ITGA5: variants seen among roughly 807,000 people sequenced by gnomAD.
ITGA5 encodes integrin subunit alpha 5, also known as integrin alpha-5.
A neutral mutation model predicts 146.3 loss-of-function variants in ITGA5; 55 were observed. The ratio of observed to expected loss-of-function variants is 0.38; its 90% CI spans 0.30 to 0.47. ITGA5 has a LOEUF of 0.47. Ranked by LOEUF, ITGA5 falls within the 20% of genes least tolerant of loss-of-function variation. The pLI, the probability that ITGA5 is intolerant of heterozygous loss-of-function variation, is 0.99. For missense variants in ITGA5, 1,131 were observed against 1,329.0 expected (o/e 0.85, Z 2.32); for synonymous variants, 500 against 531.8 (o/e 0.94, Z 0.82).
chr12:54,418,826 G>A (rs1352975980), intron 1 of ITGA5, among the ~76,000 whole-genome samples, 155 bp downstream of exon 1: 3 of 151,768 alleles, frequency 2.0e-5, no homozygotes, highest in Non-Finnish European at 4.4e-5. Flanking sequence ...CTCCAGCGCG[G>A]GCCCCCAACT....
At position 54,399,762 on chromosome 12, in the gene ITGA5, G is replaced by A. The variant is rs767076112; in HGVS notation, c.2728-4C>T. 6.2e-7 allele frequency: 1 copy of A among 1,613,956 alleles called. No individual in the cohort carries two copies. The highest frequency in any genetic ancestry group is 8.5e-7 in the Non-Finnish European group (1 of 1,179,816). Reference sequence around the variant, plus strand: ...AACACTCAGCCTCCGGGCATTTCTAGGAAGAAAGAAGCTTGAACCTGGTGT... The same window carrying A: ...AACACTCAGCCTCCGGGCATTTCTAAGAAGAAAGAAGCTTGAACCTGGTGT... On this transcript the variant is annotated splice_region_variant and splice_polypyrimidine_tract_variant and intron_variant, in intron 26 of 29. Coordinates refer to ENST00000293379, the MANE Select transcript of ITGA5 (RefSeq NM_002205.5).
In ITGA5 at chr12:54,401,277, T is replaced by G; in HGVS notation, c.2493+96A>C. The G allele has an allele frequency of 1.0e-6, 1 of 961,466 alleles. No homozygotes were observed. The highest frequency in any genetic ancestry group is 1.7e-6 in the Non-Finnish European group (1 of 594,378). 59.6% of individuals were successfully genotyped at this position (961,466 alleles called of 1,614,324 possible). On this transcript the variant is annotated intron_variant, in intron 24 of 29. Coordinates refer to ENST00000293379, the MANE Select transcript of ITGA5 (RefSeq NM_002205.5). This position sits in a 1 kb window ranked among gnomAD's most constrained non-coding sequence, Gnocchi z 5.0. ...TATCACTTACTCCTCCCTCCTCTCT[T>G]TCTCTCAGTCCCTCACATGGGTTCC...
rs966997306 is a variant in ITGA5, at chr12:54,409,983, A to G, written c.350-386T>C. 6.6e-6 allele frequency among the ~76,000 whole-genome samples: 1 copy of G among 151,756 alleles called. No individual in the cohort carries two copies. Among genetic ancestry groups the G allele is most frequent in the Non-Finnish European group, 1.5e-5 (1 of 67,896 alleles). On this transcript the variant is annotated intron_variant, in intron 2 of 29. Transcript: ENST00000293379. The surrounding 1 kb of genome is among the most constrained non-coding windows in gnomAD (Gnocchi z 4.7). ...GGGATTCTCCTGCCTCAGCCTCCTC[A>G]GTAGCTGGGATTACAGGTGCGCGTC...
Position 54,401,558 on chromosome 12 carries a change from A to C in ITGA5, c.2387+27T>G. 1 of 1,612,480 alleles carries C rather than the reference A, an allele frequency of 6.2e-7. No homozygotes were observed. Among genetic ancestry groups the C allele is most frequent in the South Asian group, 1.1e-5 (1 of 91,056 alleles). On this transcript the variant is annotated intron_variant, in intron 23 of 29. Coordinates refer to ENST00000293379, the MANE Select transcript of ITGA5 (RefSeq NM_002205.5). The surrounding 1 kb of genome is among the most constrained non-coding windows in gnomAD (Gnocchi z 5.0). ...CCTAGAAGTCTGTGTCCCCTCTCAG[A>C]AAGACCCCATTTTGCCTGGCACTGA... is the stretch of plus-strand genomic sequence containing the variant.
At chr12:54,407,798 C>A in intron 8 of ITGA5, 34 bp downstream of exon 8, 2 of 1,610,696 alleles carry the variant, frequency 1.2e-6, no homozygotes, top group Non-Finnish European at 1.7e-6. Context: ...CTAACCATCC[C>A]CCTCCCTTGG....
Position 54,405,880 on chromosome 12 carries a change from G to C in ITGA5, c.953C>G (p.Ser318Ter), listed in dbSNP as rs1955859981. 1 of 1,613,996 alleles carries C rather than the reference G, an allele frequency of 6.2e-7. No individual in the cohort carries two copies. The highest frequency in any genetic ancestry group is 8.5e-7 in the Non-Finnish European group (1 of 1,179,886). Reference sequence around the variant, plus strand: ...GAGGGGTATCCTTACCTGTTCCCCTGAGAAGTTGTAGAGGGATCGAATGTC... The same window carrying C: ...GAGGGGTATCCTTACCTGTTCCCCTCAGAAGTTGTAGAGGGATCGAATGTC... Reference protein sequence around the residue: ...GSDIRSLYNFSGEQMASYFGY... With the variant: ...GSDIRSLYNF Residue 318 changes from serine (S) to a stop codon, truncating the protein, a stop_gained, in exon 10 of 30, where the codon TCA becomes TGA. Coordinates refer to ENST00000293379, the MANE Select transcript of ITGA5 (RefSeq NM_002205.5). LOFTEE classifies it high-confidence loss of function.
At chr12:54,410,218 G>A (rs1227542221) in intron 2 of ITGA5, among the ~76,000 whole-genome samples, 4 of 152,166 alleles carry the variant, frequency 2.6e-5, no homozygotes, top group Admixed American at 1.3e-4. Flanking sequence ...CTGAGACAAG[G>A]ATGCCTGCTG....
Position 54,396,195 on chromosome 12 carries a change from C to G in ITGA5, c.*98G>C. On this transcript the variant is annotated 3_prime_UTR_variant, in exon 30 of 30. Coordinates refer to ENST00000293379, the MANE Select transcript of ITGA5 (RefSeq NM_002205.5). Reference sequence around the variant, plus strand: ...CTGGGGAGAGGAGCTTCTCCCTGGCCGTCAGCACCTTCAAGAAGTACCCAG... The same window carrying G: ...CTGGGGAGAGGAGCTTCTCCCTGGCGGTCAGCACCTTCAAGAAGTACCCAG... 1 of 952,760 alleles carries G rather than the reference C, an allele frequency of 1.0e-6. No homozygotes were observed. The highest frequency in any genetic ancestry group is 1.7e-6 in the Non-Finnish European group (1 of 603,982). 59.0% of individuals were successfully genotyped at this position (952,760 alleles called of 1,614,324 possible).
chr12:54,404,653 T>C, intron 13 of ITGA5, 50 bp downstream of exon 13: 2 of 1,541,388 alleles, frequency 1.3e-6, no homozygotes, highest in African/African-American at 2.7e-5. Context: ...AGAGTAGGGG[T>C]CAGTGACCAG....
chr12:54,410,595 C>A (rs1955931354), intron 2 of ITGA5, among the ~76,000 whole-genome samples: 1 of 150,952 alleles, frequency 6.6e-6, no homozygotes, highest in Non-Finnish European at 1.5e-5. Flanking sequence ...GTCACTCAGG[C>A]TACAGGGCAG....
In ITGA5 at chr12:54,401,554, T is replaced by C; in HGVS notation, c.2387+31A>G. 1 of 1,611,784 alleles carries C rather than the reference T, an allele frequency of 6.2e-7. No individual in the cohort carries two copies. Among genetic ancestry groups the C allele is most frequent in the Non-Finnish European group, 8.5e-7 (1 of 1,177,900 alleles). ...CTTCCCTAGAAGTCTGTGTCCCCTC[T>C]CAGAAAGACCCCATTTTGCCTGGCA... On this transcript the variant is annotated intron_variant, in intron 23 of 29. Coordinates refer to ENST00000293379, the MANE Select transcript of ITGA5 (RefSeq NM_002205.5). The surrounding 1 kb of genome is among the most constrained non-coding windows in gnomAD (Gnocchi z 5.0).
In ITGA5 at chr12:54,397,390, C is replaced by A; in HGVS notation, c.3041G>T (p.Gly1014Val). The A allele has an allele frequency of 6.2e-7, 1 of 1,614,014 alleles. No homozygotes were observed. The highest frequency in any genetic ancestry group is 2.2e-5 in the East Asian group (1 of 44,870). Residue 1014 changes from glycine to valine, a missense_variant, in exon 29 of 30, where the codon GGT becomes GTT. This residue lies in a region of ITGA5 where 889 missense variants were observed against 1,021.5 expected (regional missense o/e 0.87). Transcript: ENST00000293379. ...LAILFGLLLL[G>V]LLIYILYKLG... ...CTTGTAGAGGATGTAGATGAGTAGA[C>A]CTAGGAGCAGGAGGCCAAACAGGAT...
Position 54,402,320 on chromosome 12 carries a change from G to A in ITGA5, c.1993C>T (p.His665Tyr), listed in dbSNP as rs938187132. 6.2e-7 allele frequency: 1 copy of A among 1,612,598 alleles called. No homozygotes were observed. Among genetic ancestry groups the A allele is most frequent in the African/African-American group, 1.3e-5 (1 of 74,866 alleles). The part of the protein sequence containing the change: ...LQLEVFGEQN[H>Y]VYLGDKNALN... ...GCATTCTTGTCACCCAGGTACACAT[G>A]GTTCTGCTCCCTGGAAGGGACACAG... The change falls in exon 20 of 30, where the codon CAT (histidine) becomes TAT (tyrosine). Residue 665 changes from histidine (H) to tyrosine (Y), a missense_variant. Physicochemically the swap from His to Tyr is moderately conservative, Grantham distance 83. Coordinates refer to ENST00000293379, the MANE Select transcript of ITGA5 (RefSeq NM_002205.5).
At chr12:54,399,187 G>A (rs558889024) in intron 27 of ITGA5, among the ~76,000 whole-genome samples, 2 of 152,046 alleles carry the variant, frequency 1.3e-5, no homozygotes, top group Non-Finnish European at 2.9e-5. Flanking sequence ...GATAATAAAT[G>A]TGTAACTGAA....
chr12:54,397,533 TCTACC>T, intron 28 of ITGA5, 46 bp from the exon 29 acceptor site: 1 of 1,610,520 alleles, frequency 6.2e-7, no homozygotes, highest in Non-Finnish European at 8.5e-7. Flanking sequence ...AGAAGTTCTT[TCTACC>T]CTATACTTGG....
intron 27 of ITGA5, chr12:54,398,953 C>T: frequency 2.8e-6 from 1 of 358,924 alleles, no homozygotes; most frequent in South Asian, 4.5e-5. Context: ...AATCCTCCTG[C>T]CTCAGCCTCC....
rs746789231 is a variant in ITGA5 at position 54,405,926 on chromosome 12, C to G, written c.907G>C (p.Val303Leu). ...ATGTCTGAGCCATTAAGGATGGTGA[C>G]CTGGGAGATGAAGAGATAGGCCCAT... ...VPKGNLTYGYVTILNGSDIRS... is the reference protein window; with the variant it reads ...VPKGNLTYGYLTILNGSDIRS... The change falls in exon 10 of 30, where the codon GTC becomes CTC. Residue 303 changes from valine to leucine, a missense_variant and splice_region_variant. Physicochemically the swap from Val to Leu is conservative, Grantham distance 32. This residue lies in a region of ITGA5 where 889 missense variants were observed against 1,021.5 expected (regional missense o/e 0.87). Coordinates refer to ENST00000293379, the MANE Select transcript of ITGA5 (RefSeq NM_002205.5). The G allele has an allele frequency of 6.2e-7, 1 of 1,613,664 alleles. No individual in the cohort carries two copies.
At chr12:54,418,580 C>T (rs977152663) in intron 1 of ITGA5, among the ~76,000 whole-genome samples, 18 of 151,988 alleles carry the variant, frequency 1.2e-4, no homozygotes, top group Admixed American at 3.3e-4. Context: ...CTGGAGCCCC[C>T]AAAAGCCCTT....
Position 54,396,106 on chromosome 12 carries a change from A to C in ITGA5, c.*187T>G. 1 of 587,728 alleles carries C rather than the reference A, an allele frequency of 1.7e-6. No individual in the cohort carries two copies. The highest frequency in any genetic ancestry group is 2.0e-5 in the South Asian group (1 of 50,242). The allele number at this position is 587,728 out of a possible 1,614,324, so 36.4% of individuals were successfully genotyped here. ...TGTAAACAAGGGTCCTTCACAGTGC[A>C]TGGGGGGGAGGGATCCCCAGCTCCT... On this transcript the variant is annotated 3_prime_UTR_variant, in exon 30 of 30. Coordinates refer to ENST00000293379, the MANE Select transcript of ITGA5 (RefSeq NM_002205.5).
Sources: allele counts gnomAD v4.1 joint callset (sites outside exome capture counted in the v4.1 genomes callset), GRCh38; gene constraint gnomAD v4.1.1; regional missense constraint gnomAD v4.1.1; non-coding constraint Gnocchi (gnomAD v3.1); transcripts MANE v1.5; gene names NCBI Gene and HGNC (gene_info 2026-07-23, HGNC 2026-07-21).